MROH2B: variants seen among roughly 807,000 people sequenced by gnomAD.
MROH2B encodes maestro heat-like repeat-containing protein family member 2B.
A neutral mutation model predicts 208.6 loss-of-function variants in MROH2B; 177 were observed. The observed-to-expected ratio is 0.85, with a 90% CI of 0.75 to 0.96. The LOEUF is 0.96. Among genes scored for constraint, MROH2B ranks in the 40% least tolerant of loss-of-function variants. The pLI is 0.00. For missense variants in MROH2B, 2,002 were observed against 1,878.7 expected (o/e 1.07, Z -1.21); for synonymous variants, 728 against 659.0 (o/e 1.10, Z -1.60).
At position 41,057,010 on chromosome 5, in the gene MROH2B, T is replaced by G. The variant is rs990959363; in HGVS notation, c.919+99A>C. 3 of 1,181,338 alleles carry G rather than the reference T, an allele frequency of 2.5e-6. No homozygotes were observed. The African/African-American group carries it at 4.5e-5, about 18-fold the overall frequency. The allele number at this position is 1,181,338 out of a possible 1,614,324, so 73.2% of individuals were successfully genotyped here. The stretch of plus-strand genomic sequence containing the variant: ...GAAACAGTGTGTGTGTTTGTGTGTG[T>G]GAAAGTAAGTTAATGTGACAGTTTG... On this transcript the variant is annotated intron_variant, in intron 9 of 41. Coordinates refer to ENST00000399564, the MANE Select transcript of MROH2B (RefSeq NM_173489.5).
intron 26 of MROH2B, 23 bp downstream of exon 26, chr5:41,018,668 G>T: frequency 1.2e-6 from 2 of 1,606,800 alleles, no homozygotes; most frequent in Non-Finnish European, 8.5e-7. Context: ...ATGAGAATCA[G>T]TTTGAGTGGA....
intron 30 of MROH2B, among the ~76,000 whole-genome samples, chr5:41,011,909 C>T (rs762408310): frequency 1.1e-4 from 16 of 152,206 alleles, no homozygotes; most frequent in Non-Finnish European, 1.9e-4. Context: ...CTCAAGTGAT[C>T]CACCTGCCTT....
rs113586579 is a variant in MROH2B at position 41,012,337 on chromosome 5, G to A, written c.3135+246C>T. 2.2e-3 allele frequency among the ~76,000 whole-genome samples: 333 copies of A among 152,300 alleles called. 1 individual carries two copies. The highest frequency in any genetic ancestry group is 7.5e-3 in the African/African-American group (310 of 41,560). ...ATCCAAATGGCCTCGGTTCAGAGCT[G>A]CTTCCTCTAGCCAGAAAGAGACAGT... On this transcript the variant is annotated intron_variant, in intron 30 of 41. Coordinates refer to ENST00000399564, the MANE Select transcript of MROH2B (RefSeq NM_173489.5).
intron 18 of MROH2B, 79 bp from the exon 19 acceptor site, chr5:41,042,287 A>T: frequency 1.2e-6 from 1 of 843,512 alleles, no homozygotes; most frequent in Admixed American, 2.3e-5. Context: ...GAGTTAAAAT[A>T]ATCATCTGAA....
intron 24 of MROH2B, among the ~76,000 whole-genome samples, chr5:41,027,980 C>T (rs1027414234): frequency 2.0e-5 from 3 of 150,994 alleles, no homozygotes; most frequent in East Asian, 3.9e-4. Context: ...CAGGTGGGAA[C>T]TGAACAATGA....
At chr5:41,006,272 A>G (rs2111814494) in intron 34 of MROH2B, among the ~76,000 whole-genome samples, 1 of 152,290 alleles carries the variant, frequency 6.6e-6, no homozygotes, top group South Asian at 2.1e-4. Context: ...ATGGAAATCA[A>G]AACCACAGTG....
Position 41,017,757 on chromosome 5 carries a change from G to T in MROH2B, c.2884+93C>A. 2.2e-6 allele frequency: 3 copies of T among 1,377,270 alleles called. No individual in the cohort carries two copies. In the South Asian group the frequency reaches 4.6e-5, roughly 21 times the overall value. The allele number at this position is 1,377,270 out of a possible 1,614,324, so 85.3% of individuals were successfully genotyped here. On this transcript the variant is annotated intron_variant, in intron 28 of 41. Transcript: ENST00000399564. The stretch of plus-strand genomic sequence containing the variant: ...AAAGAGGAGAGAGGAGAGGGGAGGA[G>T]GGAGAGAGACATAGGTGCATAAGGA...
At chr5:41,014,075 A>G (rs1000202815) in intron 29 of MROH2B, among the ~76,000 whole-genome samples, 2 of 152,168 alleles carry the variant, frequency 1.3e-5, no homozygotes, top group African/African-American at 4.8e-5. Flanking sequence ...GCATTTGCAC[A>G]CTAGGAATAT....
chr5:41,049,505 C>T, intron 13 of MROH2B, 69 bp from the exon 14 acceptor site: 2 of 1,508,256 alleles, frequency 1.3e-6, no homozygotes, highest in East Asian at 2.3e-5. Context: ...GTCCTCACTG[C>T]ATGTTTTTCT....
chr5:41,021,948 A>G (rs1742163903), intron 24 of MROH2B, among the ~76,000 whole-genome samples: 1 of 152,242 alleles, frequency 6.6e-6, no homozygotes, highest in Non-Finnish European at 1.5e-5. Flanking sequence ...AAACCATTAA[A>G]TGAACTACGA....
intron 24 of MROH2B, among the ~76,000 whole-genome samples, chr5:41,019,894 T>G (rs1330850922): frequency 1.3e-5 from 2 of 152,210 alleles, no homozygotes; most frequent in Non-Finnish European, 2.9e-5. Context: ...TTGAGAGATG[T>G]TCACACTCAT....
rs561879706 is a variant in MROH2B at position 41,027,555 on chromosome 5, A to C, written c.2441+5187T>G. Among the ~76,000 whole-genome samples, 1,238 of 152,290 alleles carry C rather than the reference A, an allele frequency of 8.1e-3. 19 individuals are homozygous for C. The highest frequency in any genetic ancestry group is 0.028 in the African/African-American group (1,159 of 41,546). ...CAGGAAACAACAGGTGCTGGAGAGG[A>C]TGTGGAGAAATAGGAACACTTTTAC... On this transcript the variant is annotated intron_variant, in intron 24 of 41. Coordinates refer to ENST00000399564, the MANE Select transcript of MROH2B (RefSeq NM_173489.5).
intron 24 of MROH2B, among the ~76,000 whole-genome samples, chr5:41,023,603 C>T (rs1261203537): frequency 6.6e-6 from 1 of 152,144 alleles, no homozygotes; most frequent in Non-Finnish European, 1.5e-5. Flanking sequence ...AGTTGGAAAA[C>T]ATTCTTCAGG....
At position 40,998,651 on chromosome 5, in the gene MROH2B, G is replaced by C. The variant is rs1024968282; in HGVS notation, c.4612C>G (p.Gln1538Glu). 6.3e-7 allele frequency: 1 copy of C among 1,592,870 alleles called. No homozygotes were observed. Among genetic ancestry groups the C allele is most frequent in the Admixed American group, 1.8e-5 (1 of 56,898 alleles). ...TDAVVLNLTS[Q>E]YVELLDREQL... ...TCTCTGTCTAGTAACTCCACATATT[G>C]GCTGGTCAAATTGAGAACAACGGCA... The change falls in exon 41 of 42, where the codon CAA becomes GAA. Residue 1538 changes from glutamine (Q) to glutamate (E), a missense_variant. By Grantham distance (29) the Gln-to-Glu change is conservative (BLOSUM62 2). Transcript: ENST00000399564.
At chr5:41,064,054 T>C (rs1181486302) in intron 5 of MROH2B, among the ~76,000 whole-genome samples, 1 of 152,182 alleles carries the variant, frequency 6.6e-6, no homozygotes, top group Non-Finnish European at 1.5e-5. Flanking sequence ...AGCTGGTAAG[T>C]GCTGACAATC....
At chr5:41,016,480 T>G (rs1308613553) in intron 28 of MROH2B, among the ~76,000 whole-genome samples, 1 of 151,064 alleles carries the variant, frequency 6.6e-6, no homozygotes, top group East Asian at 1.9e-4. Context: ...ACTGGCATAT[T>G]TCTGTTACTA....
At chr5:40,998,734 A>G in intron 40 of MROH2B, 57 bp from the exon 41 acceptor site, 1 of 1,453,902 alleles carries the variant, frequency 6.9e-7, no homozygotes, top group Non-Finnish European at 9.4e-7. Flanking sequence ...AAGCCATGAA[A>G]AGTATAGCAG....
chr5:41,015,227 C>G (rs991407520), intron 29 of MROH2B, among the ~76,000 whole-genome samples, 154 bp downstream of exon 29: 1 of 152,188 alleles, frequency 6.6e-6, no homozygotes, highest in South Asian at 2.1e-4. Context: ...TGAGTGTTGA[C>G]TAGGCATGTG....
At chr5:41,005,112 T>G in intron 35 of MROH2B, 192 bp from the exon 36 acceptor site, 1 of 662,828 alleles carries the variant, frequency 1.5e-6, no homozygotes, top group Non-Finnish European at 2.4e-6. Flanking sequence ...AGGTCAAGCT[T>G]GCATGGTGAT....
Sources: gnomAD v4.1 joint callset for allele counts (sites outside exome capture counted in the v4.1 genomes callset) on GRCh38, gnomAD v4.1.1 for gene constraint, MANE v1.5 for transcripts, NCBI Gene and HGNC (gene_info 2026-07-23, HGNC 2026-07-21) for gene names.